The following KCNIP3 variants were observed in gnomAD, a reference collection of about 807,000 sequenced individuals.
KCNIP3 encodes potassium voltage-gated channel interacting protein 3.
KCNIP3 carries 28 observed loss-of-function variants against 35.0 expected under a neutral mutation model. The observed-to-expected ratio is 0.80, with a 90% CI of 0.59 to 1.10. The LOEUF is 1.10. KCNIP3 is among the 50% of genes least tolerant of loss of function. The pLI, the probability that KCNIP3 is intolerant of heterozygous loss-of-function variation, is 0.00. For missense variants in KCNIP3, 295 were observed against 338.4 expected, an observed-to-expected ratio of 0.87 and a Z score of 1.01; for synonymous variants, 134 against 133.8, an observed-to-expected ratio of 1.00 and a Z score of -0.01.
rs752713735 is a variant in KCNIP3, at chr2:95,378,097, G to C, written c.447+2889G>C. Among the ~76,000 whole-genome samples the C allele has an allele frequency of 6.6e-6, 1 of 152,102 alleles. No individual in the cohort carries two copies. The highest frequency in any genetic ancestry group is 1.5e-5 in the Non-Finnish European group (1 of 68,018). On this transcript the variant is annotated intron_variant, in intron 5 of 8. Coordinates refer to ENST00000295225, the MANE Select transcript of KCNIP3 (RefSeq NM_013434.5). This position sits in a 1 kb window ranked among gnomAD's most constrained non-coding sequence, Gnocchi z 4.0. ...AGTGATTATTATTCCCTAAACTTGGGCATAGTAGAAATATAACAATGTTTC... is the reference window on the plus strand; with the variant it reads ...AGTGATTATTATTCCCTAAACTTGGCCATAGTAGAAATATAACAATGTTTC...
chr2:95,354,840 G>A (rs1679616635), intron 2 of KCNIP3, among the ~76,000 whole-genome samples: 1 of 152,196 alleles, frequency 6.6e-6, no homozygotes, highest in Non-Finnish European at 1.5e-5. Flanking sequence ...CAGTGGTGAT[G>A]CTGTGGGTGT....
At chr2:95,352,522 C>T (rs1219734105) in intron 2 of KCNIP3, among the ~76,000 whole-genome samples, 6 of 152,136 alleles carry the variant, frequency 3.9e-5, no homozygotes, top group Non-Finnish European at 7.4e-5. Flanking sequence ...TTAGCAGCCC[C>T]TCCTGGAATC....
chr2:95,347,999 T>C (rs1286173707), intron 2 of KCNIP3, among the ~76,000 whole-genome samples: 1 of 152,198 alleles, frequency 6.6e-6, no homozygotes, highest in Non-Finnish European at 1.5e-5. Context: ...GTGCCCCAAG[T>C]TCCTGCGAAG....
intron 3 of KCNIP3, 73 bp downstream of exon 3, chr2:95,374,493 C>T: frequency 6.4e-7 from 1 of 1,551,320 alleles, no homozygotes. Flanking sequence ...CTTCTCCATG[C>T]CACAGTAAAT....
At chr2:95,302,087 C>A (rs537600406) in intron 1 of KCNIP3, among the ~76,000 whole-genome samples, 10 of 152,258 alleles carry the variant, frequency 6.6e-5, no homozygotes, top group Non-Finnish European at 1.5e-4. Flanking sequence ...ACACAACGCC[C>A]ACCACTGCTT....
At chr2:95,380,843 C>T (rs554719788) in intron 5 of KCNIP3, among the ~76,000 whole-genome samples, 1 of 152,226 alleles carries the variant, frequency 6.6e-6, no homozygotes, top group Admixed American at 6.5e-5. Context: ...AGCGAGACCC[C>T]ATCTCTATAA....
At position 95,308,085 on chromosome 2, in the gene KCNIP3, T is replaced by A. The variant is rs147793429; in HGVS notation, c.16-2270T>A. Among the ~76,000 whole-genome samples the A allele has an allele frequency of 2.6e-5, 4 of 152,242 alleles. No individual in the cohort carries two copies. The East Asian group carries it at 7.7e-4, about 29-fold the overall frequency. On this transcript the variant is annotated intron_variant, in intron 1 of 8. Transcript: ENST00000295225. ...GTGCTTGTGTGTGCATATGAACATG[T>A]GTACTTGTGTGCATGTGTGTGCGTG... is the stretch of plus-strand genomic sequence containing the variant.
Position 95,297,445 on chromosome 2 carries a change from C to A in KCNIP3, c.7C>A (p.Pro3Thr). The change falls in exon 1 of 9, where the codon CCG (proline) becomes ACG (threonine). Residue 3 changes from proline to threonine, a missense_variant. Coordinates refer to ENST00000295225, the MANE Select transcript of KCNIP3 (RefSeq NM_013434.5). Reference sequence around the variant, plus strand: ...GTTTTCTTCAGCGCCCAGGATGCAGCCGGCTAAGGTAGGTGCTGGGGGAAT... The same window carrying A: ...GTTTTCTTCAGCGCCCAGGATGCAGACGGCTAAGGTAGGTGCTGGGGGAAT... Reference protein sequence around the residue: MQPAKEVTKASDG... With the variant: MQTAKEVTKASDG... 2 of 1,442,564 alleles carry A rather than the reference C, an allele frequency of 1.4e-6. No individual in the cohort carries two copies. Among genetic ancestry groups the A allele is most frequent in the Non-Finnish European group, 1.8e-6 (2 of 1,083,840 alleles). 89.4% of individuals were successfully genotyped at this position (1,442,564 alleles called of 1,614,324 possible).
chr2:95,382,570 C>T lies in KCNIP3; in HGVS notation c.660+89C>T, dbSNP rs1680377411. On this transcript the variant is annotated intron_variant, in intron 7 of 8. Transcript: ENST00000295225. The surrounding 1 kb of genome is among the most constrained non-coding windows in gnomAD (Gnocchi z 4.5). Reference sequence around the variant, plus strand: ...GGGCCACCCCGGGCAAGTGGCTTGCCCCTCTGAGCCTCCCTACTCCCCATG... The same window carrying T: ...GGGCCACCCCGGGCAAGTGGCTTGCTCCTCTGAGCCTCCCTACTCCCCATG... 3.5e-6 allele frequency: 3 copies of T among 851,382 alleles called. No homozygotes were observed. Among genetic ancestry groups the T allele is most frequent in the South Asian group, 3.5e-5 (2 of 57,440 alleles). The allele number at this position is 851,382 out of a possible 1,614,324, so 52.7% of individuals were successfully genotyped here.
In KCNIP3 at chr2:95,310,858, G is replaced by A. The variant is rs761167644; in HGVS notation, c.181+338G>A. On this transcript the variant is annotated intron_variant, in intron 2 of 8. Transcript: ENST00000295225. ...CCACTGCTCACGCCCTGAGTAAGCC[G>A]GGGCACCTCATTGATCCTTTCTAAG... The A allele has an allele frequency of 7.9e-5, 29 of 366,598 alleles. No homozygotes were observed. The East Asian group carries it at 9.8e-4, about 12-fold the overall frequency. 22.7% of individuals were successfully genotyped at this position (366,598 alleles called of 1,614,324 possible).
intron 2 of KCNIP3, among the ~76,000 whole-genome samples, chr2:95,345,666 G>A (rs1411422683): frequency 6.6e-6 from 1 of 152,244 alleles, no homozygotes; most frequent in Non-Finnish European, 1.5e-5. Context: ...GCCGCGCTGA[G>A]TCCGTCCGGC....
At chr2:95,299,460 C>T (rs1677964500) in intron 1 of KCNIP3, among the ~76,000 whole-genome samples, 1 of 152,178 alleles carries the variant, frequency 6.6e-6, no homozygotes, top group Non-Finnish European at 1.5e-5. Flanking sequence ...CATGACTGCC[C>T]GGCTCCCTAG....
intron 2 of KCNIP3, among the ~76,000 whole-genome samples, chr2:95,342,732 G>A (rs1171696942): frequency 6.6e-6 from 1 of 152,194 alleles, no homozygotes; most frequent in Non-Finnish European, 1.5e-5. Context: ...TTTCCCCGGG[G>A]CCAGTCTCAT....
chr2:95,325,637 A>C lies in KCNIP3; in HGVS notation c.181+15117A>C, dbSNP rs1678722040. Among the ~76,000 whole-genome samples the C allele has an allele frequency of 2.0e-5, 3 of 151,762 alleles. No homozygotes were observed. The South Asian group carries it at 6.2e-4, about 32-fold the overall frequency. On this transcript the variant is annotated intron_variant, in intron 2 of 8. Coordinates refer to ENST00000295225, the MANE Select transcript of KCNIP3 (RefSeq NM_013434.5). ...CGTACACACACACACTCACACACAC[A>C]CACGCATACACACAAATAGATACAC...
At chr2:95,326,555 A>G (rs1297301575) in intron 2 of KCNIP3, among the ~76,000 whole-genome samples, 1 of 152,236 alleles carries the variant, frequency 6.6e-6, no homozygotes, top group Non-Finnish European at 1.5e-5. Flanking sequence ...GGGAAGCCCT[A>G]CAGGACACCC....
chr2:95,331,762 C>T (rs781587856), intron 2 of KCNIP3, among the ~76,000 whole-genome samples: 6 of 152,220 alleles, frequency 3.9e-5, no homozygotes, highest in Non-Finnish European at 8.8e-5. Context: ...TGGCCAGTCA[C>T]GACAGGAATA....
At position 95,382,509 on chromosome 2, in the gene KCNIP3, AG is replaced by A; in HGVS notation, c.660+32del. ...GAGCGAGCGCCAGCCCTGCCTAGGG[AG>A]GGGAGCCTGGCAGAGGAAGGGGCTC... On this transcript the variant is annotated intron_variant, in intron 7 of 8. Transcript: ENST00000295225. The surrounding 1 kb of genome is among the most constrained non-coding windows in gnomAD (Gnocchi z 4.5). The A allele has an allele frequency of 6.5e-7, 1 of 1,534,188 alleles. No homozygotes were observed. Among genetic ancestry groups the A allele is most frequent in the Non-Finnish European group, 8.9e-7 (1 of 1,128,676 alleles).
At chr2:95,301,664 G>A (rs1398045146) in intron 1 of KCNIP3, among the ~76,000 whole-genome samples, 2 of 152,176 alleles carry the variant, frequency 1.3e-5, no homozygotes, top group African/African-American at 4.8e-5. Flanking sequence ...GACTGTTGAG[G>A]AGAGCCTGGG....
intron 2 of KCNIP3, among the ~76,000 whole-genome samples, chr2:95,334,368 A>G (rs1277347554): frequency 1.3e-5 from 2 of 150,266 alleles, no homozygotes; most frequent in Non-Finnish European, 2.9e-5. Flanking sequence ...CAGGGTGGGC[A>G]GGGGTTAAGG....
Sources: allele counts gnomAD v4.1 joint callset (sites outside exome capture counted in the v4.1 genomes callset), GRCh38; gene constraint gnomAD v4.1.1; non-coding constraint Gnocchi (gnomAD v3.1); transcripts MANE v1.5; gene names NCBI Gene and HGNC (gene_info 2026-07-23, HGNC 2026-07-21).